Variants in P2RX1 observed in about 807,000 individuals in gnomAD.
P2RX1 encodes purinergic receptor P2X 1.
In P2RX1, 42 loss-of-function variants were observed where a neutral mutation model predicts 50.3. The ratio of observed to expected loss-of-function variants is 0.83; its 90% CI spans 0.65 to 1.08. The LOEUF (loss-of-function observed/expected upper bound fraction) is 1.08. Ranked by LOEUF, P2RX1 falls within the 50% of genes least tolerant of loss-of-function variation. The probability of loss-of-function intolerance (pLI) is 0.00; values close to 1 mark genes in which losing one functional copy is unlikely to be tolerated. For synonymous variants in P2RX1, 199 were observed against 202.6 expected (o/e 0.98, Z 0.15); for missense variants, 449 against 529.0 (o/e 0.85, Z 1.48).
chr17:3,904,297 G>C, intron 4 of P2RX1, 33 bp downstream of exon 4: 1 of 1,595,064 alleles, frequency 6.3e-7, no homozygotes, highest in Non-Finnish European at 8.6e-7. Flanking sequence ...GCAGCCGGGG[G>C]ACTGTGGAGG....
intron 1 of P2RX1, among the ~76,000 whole-genome samples, chr17:3,908,864 TAG>T (rs1281109575): frequency 6.6e-6 from 1 of 152,170 alleles, no homozygotes; most frequent in African/African-American, 2.4e-5. Flanking sequence ...GGCTTCAGGC[TAG>T]AGACTACACC....
Position 3,916,288 on chromosome 17 carries a change from GGT to G in P2RX1, c.-65_-64del. 1 of 1,570,012 alleles carries G rather than the reference GGT, an allele frequency of 6.4e-7. No homozygotes were observed. Among genetic ancestry groups the G allele is most frequent in the Non-Finnish European group, 8.7e-7 (1 of 1,152,130 alleles). ...CGGCCTCTGCTCTCAGGGTGAGCCG[GGT>G]GCCACCACCCACGTCGATGGTAGAG... On this transcript the variant is annotated 5_prime_UTR_variant, in exon 1 of 12. Transcript: ENST00000225538.
At chr17:3,899,821 C>A in intron 7 of P2RX1, 60 bp from the exon 8 acceptor site, 1 of 1,599,020 alleles carries the variant, frequency 6.3e-7, no homozygotes, top group South Asian at 1.1e-5. Context: ...CCTGTCTCAG[C>A]CGGGCGCAGT....
At chr17:3,907,795 C>T (rs2056294347) in intron 1 of P2RX1, among the ~76,000 whole-genome samples, 1 of 152,082 alleles carries the variant, frequency 6.6e-6, no homozygotes, top group African/African-American at 2.4e-5. Flanking sequence ...GAGCATTGCC[C>T]ATCCCCCCAC....
chr17:3,904,813 T>C (rs1597517788), intron 3 of P2RX1, 45 bp downstream of exon 3: 8 of 1,454,630 alleles, frequency 5.5e-6, no homozygotes, highest in Non-Finnish European at 7.6e-6. Flanking sequence ...CACGTCATTT[T>C]CCCCTGTGAG....
chr17:3,914,609 C>T lies in P2RX1; in HGVS notation c.137+1480G>A, dbSNP rs2159438. The stretch of plus-strand genomic sequence containing the variant: ...CTGCGCAGACAGCCTCTCCCAGGGA[C>T]GGTCAGGAGTGATACTAAGGGTGGA... On this transcript the variant is annotated intron_variant, in intron 1 of 11. Coordinates refer to ENST00000225538, the MANE Select transcript of P2RX1 (RefSeq NM_002558.4). The surrounding 1 kb of genome is among the most constrained non-coding windows in gnomAD (Gnocchi z 4.1). 2.0e-5 allele frequency among the ~76,000 whole-genome samples: 3 copies of T among 152,008 alleles called. No individual in the cohort carries two copies. The highest frequency in any genetic ancestry group is 1.9e-4 in the East Asian group (1 of 5,192).
At chr17:3,915,952 A>T (rs796552309) in intron 1 of P2RX1, 137 bp downstream of exon 1, 1 of 1,048,710 alleles carries the variant, frequency 9.5e-7, no homozygotes, top group Non-Finnish European at 1.4e-6. Context: ...CTATTCTCGC[A>T]CAGTGGCTTG....
intron 7 of P2RX1, 73 bp from the exon 8 acceptor site, chr17:3,899,834 C>T: frequency 4.4e-6 from 7 of 1,574,914 alleles, no homozygotes; most frequent in Non-Finnish European, 6.1e-6. Context: ...GGCGCAGTGG[C>T]TCACACCTGT....
At position 3,914,033 on chromosome 17, in the gene P2RX1, A is replaced by G. The variant is rs9893489; in HGVS notation, c.137+2056T>C. On this transcript the variant is annotated intron_variant, in intron 1 of 11. Coordinates refer to ENST00000225538, the MANE Select transcript of P2RX1 (RefSeq NM_002558.4). This position sits in a 1 kb window ranked among gnomAD's most constrained non-coding sequence, Gnocchi z 4.1. ...GCCAGACGAGGGCGCAAGAGACAGC[A>G]GGCACCACAGCCTGAGCAGGAGCTG... is the stretch of plus-strand genomic sequence containing the variant. Among the ~76,000 whole-genome samples, 3,462 of 152,298 alleles carry G rather than the reference A, an allele frequency of 0.023. 136 individuals carry two copies. The highest frequency in any genetic ancestry group is 0.08 in the African/African-American group (3,316 of 41,550).
intron 9 of P2RX1, 27 bp from the exon 10 acceptor site, chr17:3,898,576 G>T: frequency 6.3e-7 from 1 of 1,589,826 alleles, no homozygotes; most frequent in South Asian, 1.1e-5. Context: ...GGGAGAGAAG[G>T]GCTAACCGTC....
At chr17:3,912,726 A>G (rs1375869418) in intron 1 of P2RX1, among the ~76,000 whole-genome samples, 1 of 152,076 alleles carries the variant, frequency 6.6e-6, no homozygotes, top group African/African-American at 2.4e-5. Flanking sequence ...CCCTCTCTCC[A>G]TTCCATGTCC....
intron 7 of P2RX1, among the ~76,000 whole-genome samples, chr17:3,901,299 C>T (rs1054547001): frequency 1.3e-5 from 2 of 152,196 alleles, no homozygotes; most frequent in Non-Finnish European, 1.5e-5. Context: ...GATCTCCTGA[C>T]CTCGTGATCC....
chr17:3,916,249 C>T lies in P2RX1; in HGVS notation c.-24G>A, dbSNP rs574136342. The T allele has an allele frequency of 3.6e-5, 58 of 1,610,874 alleles. No individual in the cohort carries two copies. Among genetic ancestry groups the T allele is most frequent in the Non-Finnish European group, 4.8e-5 (57 of 1,178,840 alleles). On this transcript the variant is annotated 5_prime_UTR_variant, in exon 1 of 12. Transcript: ENST00000225538. Reference sequence around the variant, plus strand: ...ATGGTGGGCCGGCTGGGGCTCAGAACTGAGCCCCCTGCACGGCCTCTGCTC... The same window carrying T: ...ATGGTGGGCCGGCTGGGGCTCAGAATTGAGCCCCCTGCACGGCCTCTGCTC...
intron 1 of P2RX1, among the ~76,000 whole-genome samples, chr17:3,907,183 T>C (rs1283894254): frequency 6.6e-6 from 1 of 152,190 alleles, no homozygotes; most frequent in Non-Finnish European, 1.5e-5. Context: ...TTAAGCCAGT[T>C]CGGATTTGGT....
At chr17:3,909,055 G>C (rs117287132) in intron 1 of P2RX1, among the ~76,000 whole-genome samples, 235 of 152,090 alleles carry the variant, frequency 1.5e-3, no homozygotes, top group Non-Finnish European at 2.6e-3. Flanking sequence ...TTTTGAGATG[G>C]AGTCTCAGTC....
chr17:3,902,447 C>G (rs978422122), intron 7 of P2RX1, among the ~76,000 whole-genome samples: 1 of 151,816 alleles, frequency 6.6e-6, no homozygotes, highest in African/African-American at 2.4e-5. Flanking sequence ...GCGCATGCCA[C>G]GATGCCTGCC....
At chr17:3,915,092 C>G (rs1567660165) in intron 1 of P2RX1, among the ~76,000 whole-genome samples, 1 of 152,152 alleles carries the variant, frequency 6.6e-6, no homozygotes, top group African/African-American at 2.4e-5. Context: ...GAGGGTAGAG[C>G]TCTCAGAATC....
chr17:3,904,017 G>A lies in P2RX1; in HGVS notation c.435C>T (p.Arg145=), dbSNP rs1245851608. 1 of 1,613,740 alleles carries A rather than the reference G, an allele frequency of 6.2e-7. No homozygotes were observed. The highest frequency in any genetic ancestry group is 1.7e-5 in the Admixed American group (1 of 60,000). Residue 145 remains arginine, a synonymous_variant, in exon 5 of 12, where the codon CGC becomes CGT. Coordinates refer to ENST00000225538, the MANE Select transcript of P2RX1 (RefSeq NM_002558.4). ...GKAKRKAQGI[R]TGKCVAFNDT... is the part of the protein sequence containing the mutation. ...CGTTGAAGGCCACACACTTGCCCGT[G>A]CGGATGCCTGGAGCCAGAGGGAAAC...
chr17:3,904,231 G>A (rs1383824401), intron 4 of P2RX1, 99 bp downstream of exon 4: 3 of 1,240,422 alleles, frequency 2.4e-6, no homozygotes, highest in African/African-American at 3.0e-5. Flanking sequence ...CTCGGCGGGA[G>A]GGGTGTGGAG....
Sources: gnomAD v4.1 joint callset for allele counts (sites outside exome capture counted in the v4.1 genomes callset) on GRCh38, gnomAD v4.1.1 for gene constraint, Gnocchi (gnomAD v3.1) non-coding constraint, MANE v1.5 for transcripts, NCBI Gene and HGNC (gene_info 2026-07-23, HGNC 2026-07-21) for gene names.